Variants in DCLK1 observed in about 807,000 individuals in gnomAD.
DCLK1 encodes serine/threonine-protein kinase DCLK1.
DCLK1 carries 16 observed loss-of-function variants against 86.2 expected under a neutral mutation model. The observed-to-expected ratio is 0.19, with a 90% CI of 0.13 to 0.28. The LOEUF is 0.28. DCLK1 is among the 10% of genes least tolerant of loss of function. The pLI, the probability that DCLK1 is intolerant of heterozygous loss-of-function variation, is 1.00. For synonymous variants in DCLK1, 369 were observed against 370.5 expected (o/e 1.00, Z 0.05); for missense variants, 590 against 940.2 (o/e 0.63, Z 4.87).
intron 3 of DCLK1, among the ~76,000 whole-genome samples, chr13:36,072,088 T>C (rs549684105): frequency 6.6e-6 from 1 of 152,334 alleles, no homozygotes; most frequent in South Asian, 2.1e-4. Flanking sequence ...GAAAGACTTG[T>C]CTATGTTTGC....
At chr13:36,126,888 A>G (rs558259944) in intron 1 of DCLK1, among the ~76,000 whole-genome samples, 1 of 152,352 alleles carries the variant, frequency 6.6e-6, no homozygotes, top group East Asian at 1.9e-4. Flanking sequence ...AGGCACAGAA[A>G]AATTTCCCCT....
chr13:35,797,180 T>C (rs112005848), intron 15 of DCLK1, among the ~76,000 whole-genome samples: 1 of 152,196 alleles, frequency 6.6e-6, no homozygotes, highest in Admixed American at 6.5e-5. Context: ...TTTACCAGCC[T>C]AGGTGTAAAT....
intron 4 of DCLK1, among the ~76,000 whole-genome samples, chr13:35,907,103 G>A (rs774818806): frequency 7.9e-5 from 12 of 152,186 alleles, no homozygotes; most frequent in Non-Finnish European, 1.5e-4. Flanking sequence ...CCAGCTCCCA[G>A]AAGTTTCTCT....
chr13:36,053,826 A>T (rs1883206821), intron 3 of DCLK1, among the ~76,000 whole-genome samples: 1 of 152,088 alleles, frequency 6.6e-6, no homozygotes. Context: ...GGGAAGAGAT[A>T]GGTCTTGAAG....
chr13:35,921,275 TC>T (rs1379272113), intron 4 of DCLK1, among the ~76,000 whole-genome samples: 2 of 152,250 alleles, frequency 1.3e-5, no homozygotes, highest in African/African-American at 4.8e-5. Context: ...CACCTGGATT[TC>T]CCAGTTCCTC....
At chr13:35,781,702 A>G (rs2153097824) in intron 16 of DCLK1, among the ~76,000 whole-genome samples, 1 of 152,218 alleles carries the variant, frequency 6.6e-6, no homozygotes, top group East Asian at 1.9e-4. Flanking sequence ...AAAGAACATT[A>G]TTGTGCATTT....
chr13:36,100,503 A>G (rs1406301477), intron 3 of DCLK1, among the ~76,000 whole-genome samples: 1 of 152,206 alleles, frequency 6.6e-6, no homozygotes, highest in Non-Finnish European at 1.5e-5. Flanking sequence ...TACTCTTCCC[A>G]GGGGCACTGT....
chr13:36,023,591 T>C (rs1881881894), intron 3 of DCLK1, among the ~76,000 whole-genome samples: 1 of 152,156 alleles, frequency 6.6e-6, no homozygotes, highest in South Asian at 2.1e-4. Context: ...ATCCTCCAAG[T>C]TGACATGGAA....
At chr13:36,119,402 C>T (rs975740077) in intron 2 of DCLK1, among the ~76,000 whole-genome samples, 1 of 152,108 alleles carries the variant, frequency 6.6e-6, no homozygotes, top group African/African-American at 2.4e-5. Context: ...TAGGCAAGAT[C>T]CACCAATAAA....
chr13:35,964,451 G>A (rs184888411), intron 3 of DCLK1, among the ~76,000 whole-genome samples: 23 of 152,292 alleles, frequency 1.5e-4, no homozygotes, highest in African/African-American at 5.5e-4. Flanking sequence ...TTAAACTTCC[G>A]TCTTCCTTTC....
At position 35,871,224 on chromosome 13, in the gene DCLK1, C is replaced by T; in HGVS notation, c.940G>A (p.Val314Ile). 6.2e-7 allele frequency: 1 copy of T among 1,612,756 alleles called. No homozygotes were observed. The highest frequency in any genetic ancestry group is 1.1e-5 in the South Asian group (1 of 90,966). The change falls in exon 5 of 17, where the codon GTT becomes ATT. Residue 314 changes from valine (V) to isoleucine (I), a missense_variant and splice_region_variant. By Grantham distance (29) the Val-to-Ile change is conservative. Coordinates refer to ENST00000360631, the MANE Select transcript of DCLK1 (RefSeq NM_001330071.2). ...RSKSPASTSS[V>I]NGTPGSQLST... ...TTCAAAATCCCCTCTGCTGCTTTAC[C>T]TGAGCTGGTGGAGGCAGGGGACTTG...
chr13:36,017,691 A>G (rs1593821604), intron 3 of DCLK1, among the ~76,000 whole-genome samples: 1 of 152,198 alleles, frequency 6.6e-6, no homozygotes, highest in East Asian at 1.9e-4. Flanking sequence ...ACATGGAATT[A>G]TCAGAGCCCC....
intron 11 of DCLK1, among the ~76,000 whole-genome samples, chr13:35,821,271 G>C (rs2087388408): frequency 6.6e-6 from 1 of 152,214 alleles, no homozygotes; most frequent in African/African-American, 2.4e-5. Context: ...CAAGTACATA[G>C]ATGGTTCTCC....
chr13:35,977,442 G>A (rs1879404384), intron 3 of DCLK1, among the ~76,000 whole-genome samples: 1 of 152,340 alleles, frequency 6.6e-6, no homozygotes, highest in African/African-American at 2.4e-5. Context: ...TTCTGAGGAG[G>A]TATATTTTGG....
chr13:36,069,388 C>T (rs2153160973), intron 3 of DCLK1, among the ~76,000 whole-genome samples: 1 of 152,232 alleles, frequency 6.6e-6, no homozygotes, highest in East Asian at 1.9e-4. Context: ...ACCAAGAATA[C>T]ACCACTATTC....
chr13:36,045,331 T>G (rs1882850521), intron 3 of DCLK1, among the ~76,000 whole-genome samples: 1 of 42,486 alleles, frequency 2.4e-5, no homozygotes, highest in Admixed American at 2.9e-4. Context: ...TGTGTGTGTG[T>G]GTATATATAT....
At chr13:36,024,949 ATTTTC>A (rs1284029497) in intron 3 of DCLK1, among the ~76,000 whole-genome samples, 2 of 150,118 alleles carry the variant, frequency 1.3e-5, no homozygotes, top group Non-Finnish European at 3.0e-5. Context: ...TGGTCAACTG[ATTTTC>A]TTTTCTTTTC....
chr13:35,839,054 C>T (rs1413483443), intron 7 of DCLK1, 38 bp downstream of exon 7: 3 of 1,558,188 alleles, frequency 1.9e-6, no homozygotes, highest in African/African-American at 1.4e-5. Context: ...GCCAACCCAT[C>T]CTCTGCCTCC....
intron 1 of DCLK1, among the ~76,000 whole-genome samples, chr13:36,130,441 G>A (rs566028028): frequency 6.6e-6 from 1 of 152,140 alleles, no homozygotes; most frequent in Non-Finnish European, 1.5e-5. Context: ...GCGCAAACCT[G>A]GTTTTCAAAA....
Sources: gnomAD v4.1 joint callset for allele counts (sites outside exome capture counted in the v4.1 genomes callset) on GRCh38, gnomAD v4.1.1 for gene constraint, MANE v1.5 for transcripts, NCBI Gene and HGNC (gene_info 2026-07-23, HGNC 2026-07-21) for gene names.